Variants in DNAH14 observed in about 807,000 individuals in gnomAD.
The protein encoded by DNAH14 is axonemal beta dynein heavy chain 14.
In DNAH14, 478 loss-of-function variants were observed where a neutral mutation model predicts 520.9. The ratio of observed to expected loss-of-function variants is 0.92; its 90% CI spans 0.85 to 0.99. The LOEUF is 0.99. DNAH14 is among the 50% of genes least tolerant of loss of function. The pLI, the probability that DNAH14 is intolerant of heterozygous loss-of-function variation, is 0.00. For missense variants in DNAH14, 4,831 were observed against 5,234.5 expected, an observed-to-expected ratio of 0.92 and a Z score of 2.38; for synonymous variants, 1,581 against 1,757.2, an observed-to-expected ratio of 0.90 and a Z score of 2.51.
At chr1:225,012,285 C>G (rs1558677753) in intron 10 of DNAH14, among the ~76,000 whole-genome samples, 1 of 152,156 alleles carries the variant, frequency 6.6e-6, no homozygotes, top group African/African-American at 2.4e-5. Flanking sequence ...GGCCCCCACT[C>G]TATTCTAGCA....
At chr1:224,991,801 A>G (rs1190817517) in intron 8 of DNAH14, among the ~76,000 whole-genome samples, 1 of 152,092 alleles carries the variant, frequency 6.6e-6, no homozygotes, top group African/African-American at 2.4e-5. Flanking sequence ...TCTATCATTG[A>G]TGGACATTTG....
intron 1 of DNAH14, among the ~76,000 whole-genome samples, chr1:224,941,498 T>C (rs1265266013): frequency 6.6e-6 from 1 of 152,238 alleles, no homozygotes; most frequent in African/African-American, 2.4e-5. Context: ...TAGTTTCTTT[T>C]GCTGTGCAGA....
intron 8 of DNAH14, among the ~76,000 whole-genome samples, chr1:224,980,931 T>C (rs2062222211): frequency 6.6e-6 from 1 of 152,214 alleles, no homozygotes; most frequent in Non-Finnish European, 1.5e-5. Context: ...ATGGCACGTG[T>C]ATACCTATGT....
intron 77 of DNAH14, among the ~76,000 whole-genome samples, chr1:225,372,348 A>G (rs1239444308): frequency 6.6e-6 from 1 of 152,220 alleles, no homozygotes; most frequent in Non-Finnish European, 1.5e-5. Flanking sequence ...AAAATCCACT[A>G]TACTAAAATC....
intron 74 of DNAH14, among the ~76,000 whole-genome samples, chr1:225,360,146 C>A (rs1047024268): frequency 2.0e-5 from 3 of 152,216 alleles, no homozygotes; most frequent in African/African-American, 7.2e-5. Context: ...TGGCTTCCAT[C>A]TCCACCCATG....
At position 225,264,183 on chromosome 1, in the gene DNAH14, A is replaced by G; in HGVS notation, c.7158-14A>G. On this transcript the variant is annotated splice_polypyrimidine_tract_variant and intron_variant, in intron 46 of 85. Coordinates refer to ENST00000682510, the MANE Select transcript of DNAH14 (RefSeq NM_001367479.1). ...AACAAACTAATTTTGAATCCTTAAA[A>G]TATTTCATTCCAGTAGCCTAAAACA... 6.5e-7 allele frequency: 1 copy of G among 1,545,590 alleles called. No individual in the cohort carries two copies. The highest frequency in any genetic ancestry group is 1.2e-5 in the South Asian group (1 of 83,234).
At chr1:225,306,541 G>T (rs1461297426) in intron 58 of DNAH14, among the ~76,000 whole-genome samples, 1 of 152,032 alleles carries the variant, frequency 6.6e-6, no homozygotes, top group South Asian at 2.1e-4. Flanking sequence ...TAACCTCCTG[G>T]GATCTAAGGT....
intron 11 of DNAH14, among the ~76,000 whole-genome samples, chr1:225,025,537 G>C (rs1229931851): frequency 6.6e-6 from 1 of 151,124 alleles, no homozygotes; most frequent in African/African-American, 2.4e-5. Context: ...TTCAAGACCA[G>C]TCTGGGCAAC....
rs528617956 is a variant in DNAH14, at chr1:225,147,677, T to G, written c.4940+428T>G. Among the ~76,000 whole-genome samples the G allele has an allele frequency of 8.5e-5, 13 of 152,334 alleles. No homozygotes were observed. The South Asian group carries it at 2.7e-3, about 32-fold the overall frequency. ...TTAAGTTCAGGGGCACATGTGCAGA[T>G]TTGTTATATAGGTAAACTGGTATTA... On this transcript the variant is annotated intron_variant, in intron 31 of 85. Coordinates refer to ENST00000682510, the MANE Select transcript of DNAH14 (RefSeq NM_001367479.1).
intron 72 of DNAH14, among the ~76,000 whole-genome samples, chr1:225,352,355 C>A (rs888133153): frequency 2.0e-5 from 3 of 152,106 alleles, no homozygotes; most frequent in Non-Finnish European, 1.5e-5. Context: ...CAGAATACAA[C>A]CTAATTTGTT....
intron 80 of DNAH14, among the ~76,000 whole-genome samples, chr1:225,380,936 G>A (rs908534648): frequency 1.3e-5 from 2 of 152,162 alleles, no homozygotes; most frequent in African/African-American, 4.8e-5. Context: ...GCAAATTAGG[G>A]CTCGCAGGCC....
Position 225,265,251 on chromosome 1 carries a change from T to G in DNAH14, c.7292T>G (p.Val2431Gly). ...CTTAAAAATAATGATCATAAAGGAG[T>G]TGTAGTCTCTACAATAAATTTTAGC... ...KLLKNNDHKGVVVSTINFSTN... is the reference protein window; with the variant it reads ...KLLKNNDHKGGVVSTINFSTN... Residue 2431 changes from valine to glycine, a missense_variant, in exon 48 of 86, where the codon GTT becomes GGT. Coordinates refer to ENST00000682510, the MANE Select transcript of DNAH14 (RefSeq NM_001367479.1). The G allele has an allele frequency of 6.5e-7, 1 of 1,537,166 alleles. No individual in the cohort carries two copies. The highest frequency in any genetic ancestry group is 8.8e-7 in the Non-Finnish European group (1 of 1,142,032).
At chr1:225,175,388 C>A (rs1037775168) in intron 36 of DNAH14, among the ~76,000 whole-genome samples, 4 of 152,044 alleles carry the variant, frequency 2.6e-5, no homozygotes, top group Non-Finnish European at 5.9e-5. Context: ...ATGTGTCCAG[C>A]AATATATCAG....
At chr1:225,148,524 C>A (rs2080172857) in intron 31 of DNAH14, among the ~76,000 whole-genome samples, 1 of 151,314 alleles carries the variant, frequency 6.6e-6, no homozygotes, top group Non-Finnish European at 1.5e-5. Flanking sequence ...GCCTCAGCCT[C>A]CTGAGTAGCT....
At chr1:224,937,852 C>T (rs906534309) in intron 1 of DNAH14, among the ~76,000 whole-genome samples, 1 of 151,910 alleles carries the variant, frequency 6.6e-6, no homozygotes, top group Non-Finnish European at 1.5e-5. Flanking sequence ...AAAAACAGAT[C>T]CATAGACCAA....
intron 84 of DNAH14, among the ~76,000 whole-genome samples, chr1:225,394,399 A>G (rs1031226873): frequency 6.6e-6 from 1 of 152,216 alleles, no homozygotes; most frequent in Non-Finnish European, 1.5e-5. Flanking sequence ...TGTTTTAACA[A>G]AGTCCAGTGT....
intron 17 of DNAH14, among the ~76,000 whole-genome samples, chr1:225,076,073 G>A (rs189330815): frequency 6.6e-6 from 1 of 152,276 alleles, no homozygotes; most frequent in East Asian, 1.9e-4. Flanking sequence ...CTGGGGGCCA[G>A]CCTAATGCTT....
intron 41 of DNAH14, among the ~76,000 whole-genome samples, chr1:225,215,819 A>G (rs2089226314): frequency 6.6e-6 from 1 of 152,200 alleles, no homozygotes. Context: ...TCCTGAATAC[A>G]GCACTCTGAT....
chr1:225,007,410 T>C lies in DNAH14; in HGVS notation c.976-3T>C. 1 of 1,520,626 alleles carries C rather than the reference T, an allele frequency of 6.6e-7. No individual in the cohort carries two copies. Among genetic ancestry groups the C allele is most frequent in the Admixed American group, 2.1e-5 (1 of 47,114 alleles). The allele number at this position is 1,520,626 out of a possible 1,614,324, so 94.2% of individuals were successfully genotyped here. A position where few individuals can be genotyped will look rare whatever the true frequency, so the allele number is the denominator to read the frequency against. ...CACTGAACATTTACTATCATCTAAT[T>C]AGCTGGATAGTTCTCGAACATATTC... On this transcript the variant is annotated splice_region_variant and splice_polypyrimidine_tract_variant and intron_variant, in intron 9 of 85. Transcript: ENST00000682510.
Sources: allele counts gnomAD v4.1 joint callset (sites outside exome capture counted in the v4.1 genomes callset), GRCh38; gene constraint gnomAD v4.1.1; transcripts MANE v1.5; gene names NCBI Gene and HGNC (gene_info 2026-07-23, HGNC 2026-07-21).